PHYHD1: variants seen among roughly 807,000 people sequenced by gnomAD.
PHYHD1 encodes phytanoyl-CoA dioxygenase domain containing 1, also known as phytanoyl-CoA dioxygenase domain-containing protein 1.
A neutral mutation model predicts 43.6 loss-of-function variants in PHYHD1; 42 were observed. The observed-to-expected ratio is 0.96, with a 90% CI of 0.75 to 1.25. The LOEUF (loss-of-function observed/expected upper bound fraction) is 1.25, where lower values mean the gene tolerates loss of function less well. Ranked by LOEUF, PHYHD1 falls within the 50% of genes most tolerant of loss-of-function variation. PHYHD1 has a pLI of 0.00. For missense variants in PHYHD1, 342 were observed against 370.8 expected (o/e 0.92, Z 0.64); for synonymous variants, 139 against 143.6 (o/e 0.97, Z 0.23).
chr9:128,932,185 T>TTA (rs1222585726), intron 4 of PHYHD1, among the ~76,000 whole-genome samples: 11 of 126,770 alleles, frequency 8.7e-5, no homozygotes, highest in African/African-American at 3.0e-4. Context: ...ATTATTATTA[T>TTA]TTTTTTTTTT....
chr9:128,941,716 GCT>G lies in PHYHD1; in HGVS notation c.*7_*8del. ...CCTTTCCCCAACTGTACACCTAAAG[GCT>G]CTCGCAGGGCAGGAGCCCTCGCCCC... On this transcript the variant is annotated 3_prime_UTR_variant, in exon 13 of 13. Coordinates refer to ENST00000372592, the MANE Select transcript of PHYHD1 (RefSeq NM_001100876.2). 1.2e-6 allele frequency: 2 copies of G among 1,614,150 alleles called. No individual in the cohort carries two copies. The highest frequency in any genetic ancestry group is 1.7e-6 in the Non-Finnish European group (2 of 1,180,038).
At chr9:128,932,166 A>ATTTTTT (rs1564540372) in intron 4 of PHYHD1, among the ~76,000 whole-genome samples, 2 of 122,746 alleles carry the variant, frequency 1.6e-5, no homozygotes, top group African/African-American at 7.0e-5. Flanking sequence ...TATTATTATT[A>ATTTTTT]TTGTTATTAT....
At chr9:128,931,056 A>G (rs1281594478) in intron 4 of PHYHD1, among the ~76,000 whole-genome samples, 2 of 152,212 alleles carry the variant, frequency 1.3e-5, no homozygotes, top group East Asian at 3.9e-4. Flanking sequence ...ACACATGTAC[A>G]GGCATGTCTC....
At position 128,924,487 on chromosome 9, in the gene PHYHD1, C is replaced by T. The variant is rs1588243670; in HGVS notation, c.33+2131C>T. ...ATTAGCCAGGCGTGGTGGTGTGCACCTGCAGTCCCAGCTACTCGGGAGACT... is the reference window on the plus strand; with the variant it reads ...ATTAGCCAGGCGTGGTGGTGTGCACTTGCAGTCCCAGCTACTCGGGAGACT... On this transcript the variant is annotated intron_variant, in intron 3 of 12. Coordinates refer to ENST00000372592, the MANE Select transcript of PHYHD1 (RefSeq NM_001100876.2). 3.3e-5 allele frequency among the ~76,000 whole-genome samples: 5 copies of T among 151,938 alleles called. No individual in the cohort carries two copies. The East Asian group carries it at 9.6e-4, about 29-fold the overall frequency.
intron 6 of PHYHD1, 54 bp from the exon 7 acceptor site, chr9:128,936,394 G>T (rs771164834): frequency 3.2e-6 from 5 of 1,572,268 alleles, no homozygotes; most frequent in Non-Finnish European, 4.3e-6. Context: ...AGAGCTGGGT[G>T]TGGAGGGACA....
chr9:128,928,001 G>A (rs1841179221), intron 4 of PHYHD1, among the ~76,000 whole-genome samples: 1 of 152,182 alleles, frequency 6.6e-6, no homozygotes, highest in Non-Finnish European at 1.5e-5. Flanking sequence ...GAAGACTCTG[G>A]GGTCTCCCAC....
chr9:128,941,483 A>G lies in PHYHD1; in HGVS notation c.742A>G (p.Ser248Gly). The part of the protein sequence containing the change: ...VLIHGEVVHK[S>G]KQNLSDRSRQ... ...CATCCATGGAGAAGTGGTACACAAGAGCAAGCAGAACCTCTCTGACCGCTC... is the reference window on the plus strand; with the variant it reads ...CATCCATGGAGAAGTGGTACACAAGGGCAAGCAGAACCTCTCTGACCGCTC... The change falls in exon 12 of 13, where the codon AGC (serine) becomes GGC (glycine). Residue 248 changes from serine to glycine, a missense_variant. By Grantham distance (56) the Ser-to-Gly change is moderately conservative. Transcript: ENST00000372592. 6.2e-7 allele frequency: 1 copy of G among 1,613,932 alleles called. No individual in the cohort carries two copies. Among genetic ancestry groups the G allele is most frequent in the Non-Finnish European group, 8.5e-7 (1 of 1,180,016 alleles).
chr9:128,937,217 C>T (rs758362659), intron 8 of PHYHD1, among the ~76,000 whole-genome samples: 8 of 151,542 alleles, frequency 5.3e-5, no homozygotes, highest in Non-Finnish European at 8.8e-5. Context: ...AGTTTGAGAC[C>T]TGCCTGGGCA....
chr9:128,922,274 C>T lies in PHYHD1; in HGVS notation c.-41-9C>T, dbSNP rs1216939008. The T allele has an allele frequency of 1.3e-6, 2 of 1,548,760 alleles. No individual in the cohort carries two copies. Among genetic ancestry groups the T allele is most frequent in the Non-Finnish European group, 8.7e-7 (1 of 1,146,176 alleles). ...CTCCCAGGCTCCTAAACTTTCTCCT[C>T]CCCACCAGGAGGCCGCGCTTAGAAG... is the stretch of plus-strand genomic sequence containing the variant. On this transcript the variant is annotated splice_polypyrimidine_tract_variant and intron_variant, in intron 2 of 12. Coordinates refer to ENST00000372592, the MANE Select transcript of PHYHD1 (RefSeq NM_001100876.2).
chr9:128,932,820 C>CTTATTTATTTAT (rs36079303), intron 4 of PHYHD1, among the ~76,000 whole-genome samples: 225 of 141,906 alleles, frequency 1.6e-3, no homozygotes, highest in East Asian at 3.3e-3. Flanking sequence ...ATTATTATTC[C>CTTATTTATTTAT]TTATTTATTT....
chr9:128,931,892 T>C (rs1259226533), intron 4 of PHYHD1, among the ~76,000 whole-genome samples: 1 of 151,644 alleles, frequency 6.6e-6, no homozygotes, highest in Admixed American at 6.6e-5. Flanking sequence ...TGGAGTGCAA[T>C]GGTGCGATCT....
At chr9:128,938,348 C>CA (rs145210710) in intron 9 of PHYHD1, among the ~76,000 whole-genome samples, 2,614 of 151,564 alleles carry the variant, frequency 0.017, 77 homozygotes, top group African/African-American at 0.058. Context: ...ACCAAGCAAA[C>CA]AAAAAAAACA....
At chr9:128,935,979 A>G (rs908325043) in intron 6 of PHYHD1, among the ~76,000 whole-genome samples, 1 of 152,172 alleles carries the variant, frequency 6.6e-6, no homozygotes, top group Admixed American at 6.5e-5. Context: ...GTTTATGACA[A>G]TGAGGGACTA....
At chr9:128,931,665 C>T (rs1841279831) in intron 4 of PHYHD1, among the ~76,000 whole-genome samples, 1 of 152,124 alleles carries the variant, frequency 6.6e-6, no homozygotes, top group South Asian at 2.1e-4. Context: ...GCTGAGACTA[C>T]AGGCGCCCGC....
Position 128,934,041 on chromosome 9 carries a change from T to G in PHYHD1, c.299T>G (p.Ile100Ser). Reference protein sequence around the residue: ...GNFLVPPEKSINKIGHALHAH... With the variant: ...GNFLVPPEKSSNKIGHALHAH... ...TTCCTGGTCCCTCCGGAGAAATCCA[T>G]CAACAAAATTGGCCACGGTGAGCAG... Residue 100 changes from isoleucine to serine, a missense_variant, in exon 6 of 13, where the codon ATC becomes AGC. Ile to Ser is a moderately radical substitution (Grantham distance 142, BLOSUM62 -2). Transcript: ENST00000372592. The G allele has an allele frequency of 6.2e-7, 1 of 1,613,760 alleles. No individual in the cohort carries two copies. The highest frequency in any genetic ancestry group is 8.5e-7 in the Non-Finnish European group (1 of 1,179,884).
At chr9:128,937,723 T>C in intron 8 of PHYHD1, 34 bp from the exon 9 acceptor site, 2 of 1,613,676 alleles carry the variant, frequency 1.2e-6, no homozygotes, top group Non-Finnish European at 1.7e-6. Flanking sequence ...TCTGCTCTCT[T>C]CTGTCCTCAC....
chr9:128,939,233 C>T (rs1160421896), intron 9 of PHYHD1, among the ~76,000 whole-genome samples: 3 of 130,430 alleles, frequency 2.3e-5, no homozygotes, highest in African/African-American at 7.6e-5. Context: ...TTCCTTTGTT[C>T]GGTGGTTCCG....
rs759539744 is a variant in PHYHD1, at chr9:128,922,373, C to A, written c.33+17C>A. 1 of 1,548,284 alleles carries A rather than the reference C, an allele frequency of 6.5e-7. No homozygotes were observed. Among genetic ancestry groups the A allele is most frequent in the South Asian group, 1.2e-5 (1 of 83,856 alleles). On this transcript the variant is annotated intron_variant, in intron 3 of 12. Coordinates refer to ENST00000372592, the MANE Select transcript of PHYHD1 (RefSeq NM_001100876.2). ...CTCCAGAAGGTAGGAGCCTGCAAGT[C>A]GGGGCCGGGAGGGTCATGGCGGGGG...
At chr9:128,928,729 A>G (rs1841199831) in intron 4 of PHYHD1, among the ~76,000 whole-genome samples, 1 of 151,978 alleles carries the variant, frequency 6.6e-6, no homozygotes, top group Non-Finnish European at 1.5e-5. Flanking sequence ...CAAAAACAAA[A>G]AACTGATATA....
Sources: allele counts gnomAD v4.1 joint callset (sites outside exome capture counted in the v4.1 genomes callset), GRCh38; gene constraint gnomAD v4.1.1; transcripts MANE v1.5; gene names NCBI Gene and HGNC (gene_info 2026-07-23, HGNC 2026-07-21).